SEMA6D: variants seen among roughly 807,000 people sequenced by gnomAD.
The protein encoded by SEMA6D is semaphorin-6D.
SEMA6D carries 35 observed loss-of-function variants against 106.6 expected under a neutral mutation model. That is an observed-to-expected ratio of 0.33 (90% confidence interval 0.25 to 0.44). SEMA6D has a LOEUF of 0.44. Ranked by LOEUF, SEMA6D falls within the 20% of genes least tolerant of loss-of-function variation. The pLI is 1.00. For synonymous variants in SEMA6D, 499 were observed against 487.7 expected, an observed-to-expected ratio of 1.02 and a Z score of -0.31; for missense variants, 1,185 against 1,345.9, an observed-to-expected ratio of 0.88 and a Z score of 1.87.
intron 3 of SEMA6D, among the ~76,000 whole-genome samples, chr15:47,506,774 C>T (rs576433307): frequency 8.5e-5 from 13 of 152,090 alleles, no homozygotes; most frequent in Non-Finnish European, 1.6e-4. Context: ...GTGCCATACC[C>T]ATTGAGAAGA....
chr15:47,532,126 C>T (rs954938782), intron 3 of SEMA6D, among the ~76,000 whole-genome samples: 1 of 152,134 alleles, frequency 6.6e-6, no homozygotes, highest in African/African-American at 2.4e-5. Flanking sequence ...AATGTAAAAT[C>T]AGATTACAGT....
chr15:47,423,128 G>A (rs2041224835), intron 2 of SEMA6D, among the ~76,000 whole-genome samples: 1 of 152,064 alleles, frequency 6.6e-6, no homozygotes, highest in African/African-American at 2.4e-5. Context: ...GTGCTGTAAT[G>A]CATATATTAT....
intron 4 of SEMA6D, among the ~76,000 whole-genome samples, chr15:47,621,976 T>C (rs1343633508): frequency 1.3e-5 from 2 of 152,044 alleles, no homozygotes; most frequent in Non-Finnish European, 2.9e-5. Context: ...GGTTGCTGTC[T>C]CCTAAAAGTG....
At chr15:47,717,948 G>T (rs2079188517) in intron 1 of SEMA6D, among the ~76,000 whole-genome samples, 1 of 151,918 alleles carries the variant, frequency 6.6e-6, no homozygotes, top group South Asian at 2.1e-4. Flanking sequence ...CGCGCAAAGG[G>T]CTAGAGAGGT....
chr15:47,512,084 G>A (rs572745225), intron 3 of SEMA6D, among the ~76,000 whole-genome samples: 13 of 152,166 alleles, frequency 8.5e-5, no homozygotes, highest in East Asian at 3.9e-4. Context: ...GTCAACATCC[G>A]CACACGTAAA....
intron 1 of SEMA6D, among the ~76,000 whole-genome samples, chr15:47,373,417 T>G (rs574564015): frequency 1.3e-5 from 2 of 152,304 alleles, no homozygotes; most frequent in Non-Finnish European, 2.9e-5. Context: ...ATATATTAAC[T>G]CTTATGCATG....
chr15:47,617,049 G>A (rs1467705790), intron 4 of SEMA6D, among the ~76,000 whole-genome samples: 1 of 152,186 alleles, frequency 6.6e-6, no homozygotes, highest in Non-Finnish European at 1.5e-5. Context: ...ATGATCGTTA[G>A]CAGGAGTGAG....
intron 1 of SEMA6D, among the ~76,000 whole-genome samples, chr15:47,379,915 G>A (rs554602356): frequency 9.9e-5 from 15 of 151,216 alleles, no homozygotes; most frequent in South Asian, 4.3e-4. Context: ...GCCCCACCAC[G>A]CCTGGCTAAT....
At chr15:47,323,986 A>T (rs1444864969) in intron 1 of SEMA6D, among the ~76,000 whole-genome samples, 2 of 9,476 alleles carry the variant, frequency 2.1e-4, no homozygotes, top group Non-Finnish European at 3.5e-4. Flanking sequence ...TACAAGTGGC[A>T]AAAAAAAAAA....
intron 1 of SEMA6D, among the ~76,000 whole-genome samples, chr15:47,367,678 A>ACGCGCGCGCG (rs144860630): frequency 1.1e-4 from 15 of 137,586 alleles, no homozygotes; most frequent in African/African-American, 4.7e-4. Flanking sequence ...GCACGCTCAC[A>ACGCGCGCGCG]CGCGCGCGCG....
chr15:47,592,472 G>A (rs1023681304), intron 3 of SEMA6D, among the ~76,000 whole-genome samples: 6 of 152,140 alleles, frequency 3.9e-5, no homozygotes, highest in Non-Finnish European at 5.9e-5. Flanking sequence ...GCTGGGTGTG[G>A]GTGAGAGGCA....
chr15:47,703,482 C>T (rs2078855423), intron 4 of SEMA6D, among the ~76,000 whole-genome samples: 1 of 151,956 alleles, frequency 6.6e-6, no homozygotes, highest in Admixed American at 6.6e-5. Flanking sequence ...GTGCAATATG[C>T]AAACTTTCAC....
rs567050798 is a variant in SEMA6D at position 47,546,455 on chromosome 15, C to T, written c.-86-54410C>T. Among the ~76,000 whole-genome samples the T allele has an allele frequency of 6.6e-5, 10 of 152,136 alleles. 1 individual carries two copies. The highest frequency in any genetic ancestry group is 2.2e-4 in the African/African-American group (9 of 41,500). ...ATTAATAAAATCTAGCCAATTAACC[C>T]GCACTGGACATATGTAGGTATATAT... On this transcript the variant is annotated intron_variant, in intron 3 of 19. Transcript: ENST00000558014.
intron 1 of SEMA6D, among the ~76,000 whole-genome samples, chr15:47,312,649 A>G (rs2036495866): frequency 6.6e-6 from 1 of 152,204 alleles, no homozygotes; most frequent in African/African-American, 2.4e-5. Context: ...TGCATAGGTC[A>G]TTACGTGTGC....
chr15:47,508,559 TCAATCTGTGAACAGTG>T (rs2044126956), intron 3 of SEMA6D, among the ~76,000 whole-genome samples: 1 of 152,234 alleles, frequency 6.6e-6, no homozygotes. Context: ...AAAAGCAATT[TCAATCTGTGAACAGTG>T]CTTGACACAT....
At chr15:47,485,729 G>A (rs948656571) in intron 3 of SEMA6D, among the ~76,000 whole-genome samples, 16 of 152,132 alleles carry the variant, frequency 1.1e-4, no homozygotes, top group Middle Eastern at 3.2e-3. Flanking sequence ...GCATAGCACC[G>A]AGCCACAGTG....
chr15:47,489,903 C>T (rs981731319), intron 3 of SEMA6D, among the ~76,000 whole-genome samples: 3 of 152,082 alleles, frequency 2.0e-5, no homozygotes, highest in Admixed American at 6.5e-5. Flanking sequence ...CTTCCTGCTT[C>T]GGCCTCCCAA....
chr15:47,432,432 C>G (rs1413467756), intron 2 of SEMA6D, among the ~76,000 whole-genome samples: 1 of 151,902 alleles, frequency 6.6e-6, no homozygotes, highest in African/African-American at 2.4e-5. Context: ...TCTTTCTCTC[C>G]TTCTCTTCAC....
intron 3 of SEMA6D, among the ~76,000 whole-genome samples, chr15:47,576,667 T>A (rs1179944244): frequency 6.6e-6 from 1 of 152,150 alleles, no homozygotes; most frequent in African/African-American, 2.4e-5. Flanking sequence ...GTCCTGTAAT[T>A]CTAAGATTTC....
Sources: allele counts gnomAD v4.1 joint callset (sites outside exome capture counted in the v4.1 genomes callset), GRCh38; gene constraint gnomAD v4.1.1; transcripts MANE v1.5; gene names NCBI Gene and HGNC (gene_info 2026-07-23, HGNC 2026-07-21).